PSAP: variants seen among roughly 807,000 people sequenced by gnomAD.
The protein encoded by PSAP is prosaposin.
A neutral mutation model predicts 66.0 loss-of-function variants in PSAP; 25 were observed. The observed-to-expected ratio is 0.38, with a 90% confidence interval of 0.28 to 0.53. PSAP has a LOEUF of 0.53. Ranked by LOEUF, PSAP falls within the 20% of genes least tolerant of loss-of-function variation. The pLI is 0.83. For missense variants in PSAP, 649 were observed against 668.8 expected (o/e 0.97, Z 0.33); for synonymous variants, 273 against 258.9 (o/e 1.05, Z -0.52).
intron 11 of PSAP, 144 bp downstream of exon 11, chr10:71,819,321 A>T: frequency 7.6e-7 from 1 of 1,315,644 alleles, no homozygotes; most frequent in South Asian, 1.2e-5. Context: ...ATCTTAAGCC[A>T]ACAAATCACC....
intron 1 of PSAP, among the ~76,000 whole-genome samples, chr10:71,850,173 ATG>A (rs1481310412): frequency 1.3e-5 from 2 of 152,162 alleles, no homozygotes; most frequent in Non-Finnish European, 2.9e-5. Context: ...CCTTTCCCCT[ATG>A]TTTTCCTTCC....
intron 2 of PSAP, among the ~76,000 whole-genome samples, chr10:71,833,954 T>C (rs953244848): frequency 1.3e-5 from 2 of 152,168 alleles, no homozygotes; most frequent in African/African-American, 4.8e-5. Context: ...AAGCTCAGCA[T>C]TTACTTTTTG....
intron 7 of PSAP, among the ~76,000 whole-genome samples, chr10:71,824,089 C>T (rs981462454): frequency 4.6e-5 from 7 of 152,170 alleles, no homozygotes; most frequent in African/African-American, 1.7e-4. Flanking sequence ...ACAAGGGGGC[C>T]CTGAAAGCTT....
rs1475373629 is a variant in PSAP, at chr10:71,839,032, C to T, written c.41-4527G>A. Among the ~76,000 whole-genome samples, 3 of 152,308 alleles carry T rather than the reference C, an allele frequency of 2.0e-5. No individual in the cohort carries two copies. The East Asian group carries it at 5.8e-4, about 29-fold the overall frequency. ...ACATGTGGCCAGCAAAGCCTTTAAT[C>T]TCTATTCTCATCCTCCCACACCCTA... On this transcript the variant is annotated intron_variant, in intron 1 of 13. Coordinates refer to ENST00000394936, the MANE Select transcript of PSAP (RefSeq NM_002778.4).
At chr10:71,836,049 G>T (rs1842621203) in intron 1 of PSAP, among the ~76,000 whole-genome samples, 1 of 152,122 alleles carries the variant, frequency 6.6e-6, no homozygotes, top group Non-Finnish European at 1.5e-5. Flanking sequence ...CAAAGACTGA[G>T]TCCCACAAAG....
At chr10:71,831,569 C>T (rs1842518316) in intron 3 of PSAP, among the ~76,000 whole-genome samples, 1 of 152,168 alleles carries the variant, frequency 6.6e-6, no homozygotes, top group South Asian at 2.1e-4. Flanking sequence ...CATTTAGTCC[C>T]GGGGTCAGCA....
At chr10:71,837,872 T>G (rs1312574724) in intron 1 of PSAP, among the ~76,000 whole-genome samples, 1 of 152,200 alleles carries the variant, frequency 6.6e-6, no homozygotes, top group Non-Finnish European at 1.5e-5. Flanking sequence ...GGGAAGAAAC[T>G]GTCCTGTCTT....
chr10:71,841,026 C>G lies in PSAP; in HGVS notation c.41-6521G>C, dbSNP rs574817228. Among the ~76,000 whole-genome samples, 17 of 152,336 alleles carry G rather than the reference C, an allele frequency of 1.1e-4. No individual in the cohort carries two copies. In the East Asian group the frequency reaches 2.9e-3, roughly 26 times the overall value. ...GTGATGATCAAAGAAGAACTTAGAT[C>G]ACCTTAGATAAGATTACATGGTAAT... On this transcript the variant is annotated intron_variant, in intron 1 of 13. Transcript: ENST00000394936.
Position 71,834,465 on chromosome 10 carries a change from C to G in PSAP, c.81G>C (p.Arg27Ser). ...GPVLGLKECT[R>S]GSAVWCQNVK... is the part of the protein sequence containing the mutation. ...CATTCTGGCACCACACTGCCGAGCC[C>G]CTGGTGCATTCTTTCAGTCCAAGGA... is the stretch of plus-strand genomic sequence containing the variant. The change falls in exon 2 of 14, where the codon AGG (arginine) becomes AGC (serine). Residue 27 changes from arginine (R) to serine (S), a missense_variant. Arg to Ser is a moderately radical substitution (Grantham distance 110, BLOSUM62 -1). Transcript: ENST00000394936. 1 of 1,614,054 alleles carries G rather than the reference C, an allele frequency of 6.2e-7. No homozygotes were observed. The highest frequency in any genetic ancestry group is 8.5e-7 in the Non-Finnish European group (1 of 1,179,986).
chr10:71,846,773 T>A (rs1842833139), intron 1 of PSAP, among the ~76,000 whole-genome samples: 1 of 146,192 alleles, frequency 6.8e-6, no homozygotes, highest in Admixed American at 6.8e-5. Flanking sequence ...CAGGGCAATG[T>A]AATTCTAATT....
intron 1 of PSAP, among the ~76,000 whole-genome samples, chr10:71,844,265 C>T (rs990449427): frequency 1.3e-5 from 2 of 152,194 alleles, no homozygotes; most frequent in Admixed American, 6.5e-5. Context: ...GACATATGCC[C>T]TAGATAAATG....
At chr10:71,847,012 G>A (rs147205505) in intron 1 of PSAP, among the ~76,000 whole-genome samples, 77 of 152,080 alleles carry the variant, frequency 5.1e-4, no homozygotes, top group African/African-American at 1.7e-3. Flanking sequence ...GCAACACCCC[G>A]CCCTACCCTT....
chr10:71,819,007 A>C (rs776218033), intron 12 of PSAP, 24 bp downstream of exon 12: 1 of 1,607,484 alleles, frequency 6.2e-7, no homozygotes, highest in South Asian at 1.1e-5. Context: ...GCCCGAGAGG[A>C]CCACACCACC....
rs1791940736 is a variant in PSAP at position 71,817,014 on chromosome 10, G to C, written c.*427C>G. ...CAACTGAGAGGCCCAGGAAAGCGGG[G>C]AGGGTCCCTGATCAGGGCAGGAGGC... On this transcript the variant is annotated 3_prime_UTR_variant, in exon 14 of 14. Coordinates refer to ENST00000394936, the MANE Select transcript of PSAP (RefSeq NM_002778.4). 4.0e-6 allele frequency: 1 copy of C among 251,188 alleles called. No individual in the cohort carries two copies. The highest frequency in any genetic ancestry group is 7.8e-6 in the Non-Finnish European group (1 of 128,560). 15.6% of individuals were successfully genotyped at this position (251,188 alleles called of 1,614,324 possible). A position where few individuals can be genotyped will look rare whatever the true frequency, so the allele number is the denominator to read the frequency against.
At chr10:71,822,194 A>T in intron 7 of PSAP, 187 bp from the exon 8 acceptor site, 1 of 721,784 alleles carries the variant, frequency 1.4e-6, no homozygotes, top group Non-Finnish European at 2.4e-6. Context: ...GAAGCAGTGC[A>T]TATGTGCCAG....
intron 12 of PSAP, 149 bp downstream of exon 12, chr10:71,818,882 G>C (rs897125890): frequency 8.9e-6 from 9 of 1,007,428 alleles, no homozygotes; most frequent in African/African-American, 1.6e-5. Context: ...GATGGGGCTT[G>C]GGGGGCTGGC....
rs1842501078 is a variant in PSAP, at chr10:71,831,028, A to G, written c.375+98T>C. 1.1e-5 allele frequency: 17 copies of G among 1,555,534 alleles called. No individual in the cohort carries two copies. The Middle Eastern group carries it at 5.1e-4, about 46-fold the overall frequency. On this transcript the variant is annotated intron_variant, in intron 4 of 13. Coordinates refer to ENST00000394936, the MANE Select transcript of PSAP (RefSeq NM_002778.4). ...AATGCTGTTGAGGAATTCCAGAGCT[A>G]AGAACAGACTTTCCATTTTAATCAA...
intron 1 of PSAP, among the ~76,000 whole-genome samples, chr10:71,837,342 G>C (rs1842644826): frequency 6.6e-6 from 1 of 152,238 alleles, no homozygotes; most frequent in South Asian, 2.1e-4. Context: ...GGAGCTCCCA[G>C]CCGCCAAGAG....
Position 71,816,601 on chromosome 10 carries a change from G to A in PSAP, c.*840C>T, listed in dbSNP as rs575603246. 46 of 407,740 alleles carry A rather than the reference G, an allele frequency of 1.1e-4. No individual in the cohort carries two copies. Among genetic ancestry groups the A allele is most frequent in the South Asian group, 7.3e-4 (42 of 57,474 alleles). The allele number at this position is 407,740 out of a possible 1,614,324, so 25.3% of individuals were successfully genotyped here. A position where few individuals can be genotyped will look rare whatever the true frequency, so the allele number is the denominator to read the frequency against. On this transcript the variant is annotated 3_prime_UTR_variant, in exon 14 of 14. Coordinates refer to ENST00000394936, the MANE Select transcript of PSAP (RefSeq NM_002778.4). ...CAAAAGGAGCATCTATGAGACAAGG[G>A]AGGGGTGCAGGCTGAAGCAGCGCCT...
Sources: gnomAD v4.1 joint callset for allele counts (sites outside exome capture counted in the v4.1 genomes callset) on GRCh38, gnomAD v4.1.1 for gene constraint, MANE v1.5 for transcripts, NCBI Gene and HGNC (gene_info 2026-07-23, HGNC 2026-07-21) for gene names.